GRM1: variants seen among roughly 807,000 people sequenced by gnomAD.
The protein encoded by GRM1 is glutamate metabotropic receptor 1.
Under a neutral mutation model 90.9 loss-of-function variants are expected in GRM1, and 33 were observed. That is an observed-to-expected ratio of 0.36 (90% confidence interval 0.28 to 0.49). The LOEUF is 0.49. GRM1 is among the 20% of genes least tolerant of loss of function. The pLI is 0.99. For missense variants in GRM1, 1,190 were observed against 1,534.3 expected, an observed-to-expected ratio of 0.78 and a Z score of 3.75; for synonymous variants, 700 against 613.2, an observed-to-expected ratio of 1.14 and a Z score of -2.09.
At chr6:146,319,637 C>T (rs1314829401) in intron 3 of GRM1, among the ~76,000 whole-genome samples, 3 of 152,212 alleles carry the variant, frequency 2.0e-5, no homozygotes, top group Non-Finnish European at 4.4e-5. Context: ...TCTCTTATTT[C>T]CTTGAGCCGT....
chr6:146,114,709 T>C (rs1215294874), intron 1 of GRM1, among the ~76,000 whole-genome samples: 2 of 152,164 alleles, frequency 1.3e-5, no homozygotes, highest in African/African-American at 4.8e-5. Flanking sequence ...GAAAGGAATG[T>C]ATTAAAATTA....
At chr6:146,064,159 C>T (rs1357556887) in intron 1 of GRM1, among the ~76,000 whole-genome samples, 4 of 152,122 alleles carry the variant, frequency 2.6e-5, no homozygotes, top group Admixed American at 2.0e-4. Flanking sequence ...AGATAATCCA[C>T]AAATAGTTAA....
At chr6:146,201,915 C>A (rs1424153952) in intron 2 of GRM1, among the ~76,000 whole-genome samples, 1 of 152,206 alleles carries the variant, frequency 6.6e-6, no homozygotes, top group African/African-American at 2.4e-5. Context: ...CTGTGCAATG[C>A]TGCCATGTGG....
At chr6:146,260,892 G>T (rs1332883620) in intron 2 of GRM1, among the ~76,000 whole-genome samples, 1 of 117,894 alleles carries the variant, frequency 8.5e-6, no homozygotes, top group Admixed American at 1.1e-4. Flanking sequence ...TTGACTGTTA[G>T]CTCTATTTGG....
intron 2 of GRM1, among the ~76,000 whole-genome samples, chr6:146,207,046 T>C (rs1162237523): frequency 2.0e-5 from 3 of 152,232 alleles, no homozygotes; most frequent in African/African-American, 7.2e-5. Context: ...CTTTATCTAA[T>C]CTGTCATTGA....
intron 3 of GRM1, among the ~76,000 whole-genome samples, chr6:146,349,312 AC>A (rs1785305623): frequency 6.7e-6 from 1 of 149,622 alleles, no homozygotes; most frequent in Non-Finnish European, 1.5e-5. Context: ...CGATCTCCTG[AC>A]CTCATGATCC....
chr6:146,278,588 C>T (rs1782456493), intron 2 of GRM1, among the ~76,000 whole-genome samples: 1 of 152,064 alleles, frequency 6.6e-6, no homozygotes, highest in African/African-American at 2.4e-5. Context: ...CCAGCCTGGC[C>T]AACATGGTGA....
At chr6:146,373,686 T>C (rs1168573698) in intron 5 of GRM1, among the ~76,000 whole-genome samples, 3 of 152,186 alleles carry the variant, frequency 2.0e-5, no homozygotes, top group African/African-American at 7.2e-5. Flanking sequence ...CATATAGAAA[T>C]GCTACTGATT....
At chr6:146,401,678 T>C (rs567897848) in intron 7 of GRM1, among the ~76,000 whole-genome samples, 1 of 152,202 alleles carries the variant, frequency 6.6e-6, no homozygotes, top group Non-Finnish European at 1.5e-5. Flanking sequence ...AGAAGCTTCC[T>C]TGTAATTTTT....
At chr6:146,064,670 T>C (rs76553858) in intron 1 of GRM1, among the ~76,000 whole-genome samples, 2,628 of 151,076 alleles carry the variant, frequency 0.017, 33 homozygotes, top group East Asian at 0.037. Flanking sequence ...TTTTTTTTTT[T>C]CCCCCAGCTA....
At chr6:146,276,747 ATTAC>A (rs1021489648) in intron 2 of GRM1, among the ~76,000 whole-genome samples, 32 of 152,266 alleles carry the variant, frequency 2.1e-4, no homozygotes, top group South Asian at 6.2e-4. Context: ...TTACTTACTA[ATTAC>A]TTACTTACTT....
At chr6:146,210,175 G>T (rs1779642495) in intron 2 of GRM1, among the ~76,000 whole-genome samples, 1 of 152,134 alleles carries the variant, frequency 6.6e-6, no homozygotes, top group African/African-American at 2.4e-5. Context: ...AAAGGAAGGA[G>T]TTGAGAAGCA....
intron 1 of GRM1, among the ~76,000 whole-genome samples, chr6:146,109,771 AG>A (rs958087510): frequency 4.6e-5 from 7 of 152,188 alleles, no homozygotes; most frequent in African/African-American, 1.7e-4. Flanking sequence ...GCAAAGCTAC[AG>A]GGGTGGAGCT....
intron 1 of GRM1, among the ~76,000 whole-genome samples, chr6:146,100,017 C>G (rs994267085): frequency 6.6e-6 from 1 of 152,172 alleles, no homozygotes; most frequent in Non-Finnish European, 1.5e-5. Flanking sequence ...GCTCCAAATC[C>G]TGACCAACAA....
At chr6:146,412,556 T>C (rs1238182731) in intron 7 of GRM1, among the ~76,000 whole-genome samples, 1 of 152,178 alleles carries the variant, frequency 6.6e-6, no homozygotes. Flanking sequence ...AGATATTGAA[T>C]TATGTAGTAA....
At chr6:146,061,223 G>T (rs539743135) in intron 1 of GRM1, among the ~76,000 whole-genome samples, 11 of 152,188 alleles carry the variant, frequency 7.2e-5, no homozygotes, top group African/African-American at 1.2e-4. Context: ...CATCATAAGA[G>T]ATATAATAAT....
intron 1 of GRM1, among the ~76,000 whole-genome samples, chr6:146,131,344 T>C (rs1365455264): frequency 1.3e-5 from 2 of 152,104 alleles, no homozygotes; most frequent in South Asian, 4.1e-4. Context: ...TGTGGCAATG[T>C]GGTAGAAAAG....
At chr6:146,417,026 A>G (rs1359616183) in intron 7 of GRM1, among the ~76,000 whole-genome samples, 2 of 152,136 alleles carry the variant, frequency 1.3e-5, no homozygotes, top group Non-Finnish European at 2.9e-5. Context: ...GCTGCCTTGG[A>G]GCACTTGAAT....
intron 1 of GRM1, among the ~76,000 whole-genome samples, chr6:146,099,782 GTTTA>G (rs1232639152): frequency 1.3e-5 from 2 of 152,098 alleles, no homozygotes; most frequent in African/African-American, 2.4e-5. Flanking sequence ...ATATACCACA[GTTTA>G]TTTATCCATT....
Sources: gnomAD v4.1 joint callset for allele counts (sites outside exome capture counted in the v4.1 genomes callset) on GRCh38, gnomAD v4.1.1 for gene constraint, MANE v1.5 for transcripts, NCBI Gene and HGNC (gene_info 2026-07-23, HGNC 2026-07-21) for gene names.